The following SAMSN1 variants were observed in gnomAD, a reference collection of about 807,000 sequenced individuals.
The protein encoded by SAMSN1 is SAM domain, SH3 domain and nuclear localization signals 1, also known as SAM domain-containing protein SAMSN-1.
Under a neutral mutation model 42.0 loss-of-function variants are expected in SAMSN1, and 31 were observed. That is an observed-to-expected ratio of 0.74 (90% CI 0.55 to 1.00). The LOEUF is 1.00. SAMSN1 is among the 50% of genes least tolerant of loss of function. The pLI, the probability that SAMSN1 is intolerant of heterozygous loss-of-function variation, is 0.00. For synonymous variants in SAMSN1, 178 were observed against 151.9 expected (o/e 1.17, Z -1.26); for missense variants, 464 against 439.4 (o/e 1.06, Z -0.50).
At chr21:14,619,143 T>C (rs1175598272) in intron 2 of SAMSN1, among the ~76,000 whole-genome samples, 1 of 152,198 alleles carries the variant, frequency 6.6e-6, no homozygotes, top group Non-Finnish European at 1.5e-5. Flanking sequence ...AAATTGTAGA[T>C]ATCAAATATA....
chr21:14,659,245 TATAGAG>T (rs1187944645), upstream of SAMSN1, among the ~76,000 whole-genome samples: 3 of 152,010 alleles, frequency 2.0e-5, no homozygotes, highest in African/African-American at 7.2e-5. Context: ...CATGACAAGA[TATAGAG>T]ATAAACACAT....
intron 2 of SAMSN1, among the ~76,000 whole-genome samples, chr21:14,568,083 T>C (rs1981178548): frequency 6.6e-6 from 1 of 152,202 alleles, no homozygotes; most frequent in African/African-American, 2.4e-5. Flanking sequence ...TGAGTAAGTC[T>C]GGATTAAGCA....
upstream of SAMSN1, among the ~76,000 whole-genome samples, chr21:14,586,682 C>G (rs994625882): frequency 6.6e-6 from 1 of 151,906 alleles, no homozygotes; most frequent in African/African-American, 2.4e-5. Context: ...AGTGAGGATG[C>G]AAAAAGAGGG....
chr21:14,547,397 C>A (rs763327566), upstream of SAMSN1, among the ~76,000 whole-genome samples: 7 of 152,034 alleles, frequency 4.6e-5, no homozygotes, highest in Non-Finnish European at 4.4e-5. Context: ...TTAAGAGTTT[C>A]CCCATGGTTT....
At chr21:14,642,876 C>T (rs759260874) in intron 2 of SAMSN1, 4 of 574,490 alleles carry the variant, frequency 7.0e-6, no homozygotes, top group Non-Finnish European at 1.3e-5. Context: ...AAAGCAGAAA[C>T]TAAAGGAAAA....
chr21:14,635,119 G>C (rs961241190), intron 2 of SAMSN1, among the ~76,000 whole-genome samples: 1 of 152,174 alleles, frequency 6.6e-6, no homozygotes, highest in East Asian at 1.9e-4. Flanking sequence ...CTCATAAGTG[G>C]GAGTTGAACA....
At chr21:14,545,185 G>T (rs550760853) in intron 1 of SAMSN1, among the ~76,000 whole-genome samples, 18 of 152,080 alleles carry the variant, frequency 1.2e-4, no homozygotes, top group African/African-American at 4.3e-4. Context: ...ATTTATTTTT[G>T]TTTCCTTCAG....
chr21:14,563,392 A>G (rs1410197927), intron 2 of SAMSN1, among the ~76,000 whole-genome samples: 1 of 152,240 alleles, frequency 6.6e-6, no homozygotes, highest in African/African-American at 2.4e-5. Context: ...AATGCAAATT[A>G]CACAATGATA....
At chr21:14,626,660 C>T (rs182814516) in intron 2 of SAMSN1, among the ~76,000 whole-genome samples, 57 of 152,304 alleles carry the variant, frequency 3.7e-4, no homozygotes, top group African/African-American at 1.3e-3. Context: ...GAAATAGGAA[C>T]ACTTTTACAC....
intron 2 of SAMSN1, among the ~76,000 whole-genome samples, chr21:14,634,392 G>T (rs1164244582): frequency 6.6e-6 from 1 of 151,996 alleles, no homozygotes; most frequent in African/African-American, 2.4e-5. Flanking sequence ...TACAGAATGG[G>T]AGAAAATTTT....
intron 1 of SAMSN1, among the ~76,000 whole-genome samples, chr21:14,536,677 T>C (rs1979643637): frequency 6.6e-6 from 1 of 151,998 alleles, no homozygotes; most frequent in African/African-American, 2.4e-5. Flanking sequence ...GAAAATTATA[T>C]GTTTAAGAAA....
At chr21:14,571,528 C>A (rs1035629734) in intron 2 of SAMSN1, among the ~76,000 whole-genome samples, 25 of 152,138 alleles carry the variant, frequency 1.6e-4, no homozygotes, top group Non-Finnish European at 3.2e-4. Context: ...TTTACAACTT[C>A]CCAGGAAGGA....
intron 2 of SAMSN1, among the ~76,000 whole-genome samples, chr21:14,558,605 C>G (rs906584499): frequency 2.0e-5 from 3 of 152,018 alleles, no homozygotes; most frequent in African/African-American, 7.2e-5. Context: ...TGTCTCAACC[C>G]AAGAGATGGA....
intron 7 of SAMSN1, 39 bp from the exon 8 acceptor site, chr21:14,486,153 A>T: frequency 7.0e-7 from 1 of 1,424,766 alleles, no homozygotes. Context: ...AGGTAAAGCA[A>T]CACAAAATCT....
chr21:14,487,014 G>A (rs1231429185), intron 7 of SAMSN1, among the ~76,000 whole-genome samples: 1 of 152,144 alleles, frequency 6.6e-6, no homozygotes, highest in Non-Finnish European at 1.5e-5. Context: ...GGGTGTTTCT[G>A]CATCCTGAGC....
chr21:14,604,886 T>TG (rs1353771650), intron 5 of SAMSN1, among the ~76,000 whole-genome samples: 1 of 152,246 alleles, frequency 6.6e-6, no homozygotes, highest in Non-Finnish European at 1.5e-5. Context: ...AGACATCACA[T>TG]TGTGAACCAG....
Position 14,582,931 on chromosome 21 carries a change from G to A in SAMSN1, c.-93+389C>T, listed in dbSNP as rs1981795430. The stretch of plus-strand genomic sequence containing the variant: ...TACTTAAAAGAATAAAATCTCAGTG[G>A]TTTGGACTGAAATCCTACTGACATT... On this transcript the variant is annotated intron_variant, in intron 1 of 8. Coordinates refer to the SAMSN1 transcript ENST00000285670. 2.0e-5 allele frequency among the ~76,000 whole-genome samples: 3 copies of A among 152,188 alleles called. No individual in the cohort carries two copies. In the South Asian group the frequency reaches 6.2e-4, roughly 32 times the overall value.
At chr21:14,641,033 T>C (rs1019475365) in intron 2 of SAMSN1, among the ~76,000 whole-genome samples, 6 of 152,128 alleles carry the variant, frequency 3.9e-5, no homozygotes, top group Non-Finnish European at 8.8e-5. Flanking sequence ...TTTAAAAAAA[T>C]ATCTTCAGGC....
chr21:14,538,326 G>T (rs530631158), intron 1 of SAMSN1, among the ~76,000 whole-genome samples: 155 of 152,230 alleles, frequency 1.0e-3, no homozygotes, highest in African/African-American at 3.7e-3. Context: ...GTAATAGAGA[G>T]TAGGAGGAGA....
Sources: gnomAD v4.1 joint callset for allele counts (sites outside exome capture counted in the v4.1 genomes callset) on GRCh38, gnomAD v4.1.1 for gene constraint, MANE v1.5 for transcripts, NCBI Gene and HGNC (gene_info 2026-07-23, HGNC 2026-07-21) for gene names.